Variants in TLN2 observed in about 807,000 individuals in gnomAD.
The protein encoded by TLN2 is talin 2.
TLN2 carries 118 observed loss-of-function variants against 294.7 expected under a neutral mutation model. The observed-to-expected ratio is 0.40, with a 90% confidence interval of 0.34 to 0.47. The LOEUF (loss-of-function observed/expected upper bound fraction) is 0.47. TLN2 is among the 20% of genes least tolerant of loss of function. The pLI is 0.84. For missense variants in TLN2, 3,083 were observed against 3,282.2 expected, an observed-to-expected ratio of 0.94 and a Z score of 1.48; for synonymous variants, 1,431 against 1,304.5, an observed-to-expected ratio of 1.10 and a Z score of -2.09.
intron 58 of TLN2, 142 bp from the exon 59 acceptor site, chr15:62,840,340 T>C: frequency 8.1e-7 from 1 of 1,229,606 alleles, no homozygotes; most frequent in Non-Finnish European, 1.1e-6. Flanking sequence ...CAGAGGCTGG[T>C]CGCCAGAGCT....
chr15:62,770,987 T>G lies in TLN2; in HGVS notation c.5220T>G (p.Phe1740Leu), dbSNP rs765530701. 4 of 1,610,476 alleles carry G rather than the reference T, an allele frequency of 2.5e-6. No individual in the cohort carries two copies. Among genetic ancestry groups the G allele is most frequent in the African/African-American group, 2.7e-5 (2 of 74,628 alleles). The change falls in exon 42 of 59, where the codon TTT becomes TTG. Residue 1740 changes from phenylalanine (F) to leucine (L), a missense_variant. By Grantham distance (22) the Phe-to-Leu change is conservative. Transcript: ENST00000636159. ...AGGTGACACAACTGGCAAGCTATTT[T>G]GAGCCCTTGATCTTAGCCGCAGTTG... ...GHKVTQLASYFEPLILAAVGV... is the reference protein window; with the variant it reads ...GHKVTQLASYLEPLILAAVGV...
intron 3 of TLN2, among the ~76,000 whole-genome samples, chr15:62,629,557 C>G (rs555595354): frequency 5.9e-5 from 9 of 152,208 alleles, no homozygotes; most frequent in African/African-American, 2.2e-4. Flanking sequence ...GTGTGCTTTT[C>G]CCCCAAATGA....
At chr15:62,763,100 C>CT (rs1463542207) in intron 39 of TLN2, 1 of 153,626 alleles carries the variant, frequency 6.5e-6, no homozygotes, top group African/African-American at 2.4e-5. Flanking sequence ...TTCTTAATGC[C>CT]TTGCAAAGAA....
chr15:62,392,616 A>G (rs936715712), intron 1 of TLN2, among the ~76,000 whole-genome samples: 1 of 152,118 alleles, frequency 6.6e-6, no homozygotes, highest in East Asian at 1.9e-4. Flanking sequence ...GTGTTTGCCA[A>G]CCTACAGGCA....
intron 20 of TLN2, 77 bp from the exon 21 acceptor site, chr15:62,708,425 G>A: frequency 6.7e-7 from 1 of 1,499,012 alleles, no homozygotes; most frequent in South Asian, 1.2e-5. Flanking sequence ...GAAGGGCTTT[G>A]ATGGGACTGC....
chr15:62,599,263 A>G (rs1334062909), intron 2 of TLN2, among the ~76,000 whole-genome samples: 1 of 152,230 alleles, frequency 6.6e-6, no homozygotes, highest in Non-Finnish European at 1.5e-5. Context: ...GAGGGGAGTC[A>G]ATATTTAACT....
chr15:62,752,486 G>C lies in TLN2; in HGVS notation c.4332+59G>C, dbSNP rs145056267. ...TGTGCCAGATCCCTGTGGGAGGTGT[G>C]GGGGAACTCCAGCTGCACCTCTTTC... is the stretch of plus-strand genomic sequence containing the variant. On this transcript the variant is annotated intron_variant, in intron 35 of 58. Transcript: ENST00000636159. The C allele has an allele frequency of 1.9e-4, 300 of 1,584,594 alleles. No homozygotes were observed. The African/African-American group carries it at 3.7e-3, about 20-fold the overall frequency.
chr15:62,426,660 TGTTCATTCA>T lies in TLN2; in HGVS notation c.-238+35979_-238+35987del, dbSNP rs1288765647. On this transcript the variant is annotated intron_variant, in intron 1 of 58. Transcript: ENST00000636159. ...GGCCCCGGGTGTGCTGGGAGTGAGC[TGTTCATTCA>T]GTTTTGTCTTTCCACTGTGGTTTCT... 2.0e-4 allele frequency among the ~76,000 whole-genome samples: 31 copies of T among 152,220 alleles called. 1 individual carries two copies. Among genetic ancestry groups the T allele is most frequent in the Admixed American group, 2.0e-3 (31 of 15,280 alleles).
intron 9 of TLN2, 152 bp downstream of exon 9, chr15:62,658,050 T>C (rs550253749): frequency 4.1e-6 from 3 of 725,734 alleles, no homozygotes; most frequent in African/African-American, 1.8e-5. Context: ...ATGACCAAAT[T>C]TGCAGATTTT....
intron 1 of TLN2, among the ~76,000 whole-genome samples, chr15:62,431,484 C>T (rs771257016): frequency 6.6e-6 from 1 of 152,072 alleles, no homozygotes; most frequent in African/African-American, 2.4e-5. Flanking sequence ...ATGTCATATC[C>T]CGAAGTCACC....
At chr15:62,685,605 C>T (rs193113823) in intron 11 of TLN2, among the ~76,000 whole-genome samples, 121 of 152,256 alleles carry the variant, frequency 7.9e-4, no homozygotes, top group Non-Finnish European at 2.6e-4. Context: ...ACTAGTGACC[C>T]GCTTCACATC....
chr15:62,419,319 C>G (rs1386008961), intron 1 of TLN2, among the ~76,000 whole-genome samples: 2 of 152,200 alleles, frequency 1.3e-5, no homozygotes, highest in African/African-American at 2.4e-5. Flanking sequence ...ATCACATACA[C>G]AGCTCACATT....
At chr15:62,403,186 C>T (rs755624021) in intron 1 of TLN2, among the ~76,000 whole-genome samples, 5 of 149,486 alleles carry the variant, frequency 3.3e-5, no homozygotes, top group Non-Finnish European at 5.9e-5. Flanking sequence ...TGCAGTGAGC[C>T]GAGATCGTGT....
At chr15:62,463,852 A>G (rs932081073) in intron 1 of TLN2, among the ~76,000 whole-genome samples, 5 of 152,188 alleles carry the variant, frequency 3.3e-5, no homozygotes, top group African/African-American at 1.2e-4. Flanking sequence ...GCGCCACTGC[A>G]CTCCAGCCTG....
chr15:62,475,345 C>A (rs1350385765), intron 1 of TLN2, among the ~76,000 whole-genome samples: 3 of 152,160 alleles, frequency 2.0e-5, no homozygotes, highest in African/African-American at 7.2e-5. Flanking sequence ...TGAGTTTTAT[C>A]ACGCTCCTCG....
chr15:62,647,173 A>G lies in TLN2; in HGVS notation c.-36-102A>G, dbSNP rs971649516. 5 of 1,102,942 alleles carry G rather than the reference A, an allele frequency of 4.5e-6. No homozygotes were observed. In the East Asian group the frequency reaches 7.3e-5, roughly 16 times the overall value. 68.3% of individuals were successfully genotyped at this position (1,102,942 alleles called of 1,614,324 possible). On this transcript the variant is annotated intron_variant, in intron 3 of 58. Transcript: ENST00000636159. ...TTATTTGCTGTTTTATTCTCTTTCC[A>G]TGTTTAAAGTTGATTTTAAAGTCCA...
chr15:62,719,767 G>A lies in TLN2; in HGVS notation c.2878G>A (p.Ala960Thr), dbSNP rs1329405644. 6 of 1,599,570 alleles carry A rather than the reference G, an allele frequency of 3.8e-6. No homozygotes were observed. The highest frequency in any genetic ancestry group is 1.7e-5 in the Admixed American group (1 of 58,420). ...AQQQLVQSCK[A>T]VADHIPQLVQ... is the part of the protein sequence containing the mutation. ...GTTTTTATTTCCTTGCCTTCTGCAG[G>A]CAGTGGCTGATCACATCCCTCAGCT... Residue 960 changes from alanine (A) to threonine (T), a missense_variant and splice_region_variant, in exon 25 of 59, where the codon GCA (alanine) becomes ACA (threonine). Ala to Thr is a moderately conservative substitution (Grantham distance 58, BLOSUM62 0). Coordinates refer to ENST00000636159, the MANE Select transcript of TLN2 (RefSeq NM_015059.3).
chr15:62,456,153 C>A (rs2036468529), intron 1 of TLN2, among the ~76,000 whole-genome samples: 1 of 152,076 alleles, frequency 6.6e-6, no homozygotes, highest in Admixed American at 6.5e-5. Flanking sequence ...GGAGTACCTG[C>A]TGCTTCTCCA....
At chr15:62,639,563 T>C (rs149933022) in intron 3 of TLN2, among the ~76,000 whole-genome samples, 273 of 152,356 alleles carry the variant, frequency 1.8e-3, no homozygotes, top group African/African-American at 6.2e-3. Context: ...AAATGTTCTC[T>C]CTTGTTTTCT....
Sources: gnomAD v4.1 joint callset for allele counts (sites outside exome capture counted in the v4.1 genomes callset) on GRCh38, gnomAD v4.1.1 for gene constraint, MANE v1.5 for transcripts, NCBI Gene and HGNC (gene_info 2026-07-23, HGNC 2026-07-21) for gene names.